TERT: variants seen among roughly 807,000 people sequenced by gnomAD.
TERT encodes telomerase catalytic subunit.
In TERT, 42 loss-of-function variants were observed where a neutral mutation model predicts 104.0. The ratio of observed to expected loss-of-function variants is 0.40; its 90% CI spans 0.32 to 0.52. The LOEUF (loss-of-function observed/expected upper bound fraction) is 0.52. Among genes scored for constraint, TERT ranks in the 20% least tolerant of loss-of-function variants. The pLI is 0.43. For synonymous variants in TERT, 781 were observed against 725.6 expected, an observed-to-expected ratio of 1.08 and a Z score of -1.23; for missense variants, 1,101 against 1,610.3, an observed-to-expected ratio of 0.68 and a Z score of 5.41.
chr5:1,265,518 T>C lies in TERT; in HGVS notation c.2655-926A>G, dbSNP rs113723356. ...GTCCCCTCAGCAGCCTCAGGACTCC[T>C]GAGCCCTCAGTTGCTTGGGACCTGG... On this transcript the variant is annotated intron_variant, in intron 10 of 15. Coordinates refer to ENST00000310581, the MANE Select transcript of TERT (RefSeq NM_198253.3). The surrounding 1 kb of genome is among the most constrained non-coding windows in gnomAD (Gnocchi z 6.9). Among the ~76,000 whole-genome samples, 7 of 152,228 alleles carry C rather than the reference T, an allele frequency of 4.6e-5. No homozygotes were observed. Among genetic ancestry groups the C allele is most frequent in the African/African-American group, 1.7e-4 (7 of 41,548 alleles).
intron 2 of TERT, among the ~76,000 whole-genome samples, chr5:1,289,842 T>A (rs1211411294): frequency 5.7e-5 from 4 of 70,552 alleles, no homozygotes; most frequent in East Asian, 1.2e-3. Context: ...CCGGGGACAG[T>A]GCCTCACTCA....
Position 1,282,421 on chromosome 5 carries a change from T to A in TERT, c.1769+8A>T, listed in dbSNP as rs763457117. Reference sequence around the variant, plus strand: ...GAGAAGCAGAGGCCTGGCGTGGGGATACAGTACCTGATTCCAATGCTTTGC... The same window carrying A: ...GAGAAGCAGAGGCCTGGCGTGGGGAAACAGTACCTGATTCCAATGCTTTGC... On this transcript the variant is annotated splice_region_variant and intron_variant, in intron 3 of 15. Transcript: ENST00000310581. The A allele has an allele frequency of 1.9e-6, 3 of 1,613,136 alleles. No individual in the cohort carries two copies. The Admixed American group carries it at 5.0e-5, about 27-fold the overall frequency.
rs116119635 is a variant in TERT, at chr5:1,271,950, G to T, written c.2382+235C>A. Among the ~76,000 whole-genome samples, 433 of 152,378 alleles carry T rather than the reference G, an allele frequency of 2.8e-3. 6 individuals carry two copies. Among genetic ancestry groups the T allele is most frequent in the African/African-American group, 9.8e-3 (409 of 41,592 alleles). On this transcript the variant is annotated intron_variant, in intron 7 of 15. Coordinates refer to ENST00000310581, the MANE Select transcript of TERT (RefSeq NM_198253.3). Reference sequence around the variant, plus strand: ...CATGAACAAAGGCACTGCGGAACTGGAGAGAGGCCGCGCAGTCAAACGTGA... The same window carrying T: ...CATGAACAAAGGCACTGCGGAACTGTAGAGAGGCCGCGCAGTCAAACGTGA...
Position 1,294,985 on chromosome 5 carries a change from G to C in TERT, c.5C>G (p.Pro2Arg), listed in dbSNP as rs1751303315. M[P>R]RAPRCRAVRS... ...CACGGCTCGGCAGCGGGGAGCGCGC[G>C]GCATCGCGGGGGTGGCCGGGGCCAG... The change falls in exon 1 of 16, where the codon CCG (proline) becomes CGG (arginine). Residue 2 changes from proline (P) to arginine (R), a missense_variant. Pro to Arg is a moderately radical substitution (Grantham distance 103). Coordinates refer to ENST00000310581, the MANE Select transcript of TERT (RefSeq NM_198253.3). 2 of 1,320,526 alleles carry C rather than the reference G, an allele frequency of 1.5e-6. No homozygotes were observed. Among genetic ancestry groups the C allele is most frequent in the Non-Finnish European group, 1.9e-6 (2 of 1,042,994 alleles). The allele number at this position is 1,320,526 out of a possible 1,614,324, so 81.8% of individuals were successfully genotyped here. A position where few individuals can be genotyped will look rare whatever the true frequency, so the allele number is the denominator to read the frequency against.
intron 11 of TERT, 73 bp from the exon 12 acceptor site, chr5:1,260,673 A>G: frequency 3.1e-6 from 5 of 1,600,404 alleles, no homozygotes; most frequent in Non-Finnish European, 4.3e-6. Context: ...AGCTTGCTCC[A>G]AAGAGCCTCC....
chr5:1,253,348 T>G lies in TERT; in HGVS notation c.*380A>C. The G allele has an allele frequency of 4.9e-6, 2 of 406,904 alleles. No homozygotes were observed. The highest frequency in any genetic ancestry group is 9.1e-6 in the Non-Finnish European group (2 of 218,974). The allele number at this position is 406,904 out of a possible 1,614,324, so 25.2% of individuals were successfully genotyped here. A position where few individuals can be genotyped will look rare whatever the true frequency, so the allele number is the denominator to read the frequency against. On this transcript the variant is annotated 3_prime_UTR_variant, in exon 16 of 16. Transcript: ENST00000310581. Reference sequence around the variant, plus strand: ...CTTCTCAGGGTCTCCACCTGGATGGTGGGGGTGGAAGGCAAAGGAGGGCAG... The same window carrying G: ...CTTCTCAGGGTCTCCACCTGGATGGGGGGGGTGGAAGGCAAAGGAGGGCAG...
rs1013341756 is a variant in TERT, at chr5:1,293,477, C to T, written c.1409G>A (p.Arg470His). 2.5e-6 allele frequency: 4 copies of T among 1,603,780 alleles called. No individual in the cohort carries two copies. Among genetic ancestry groups the T allele is most frequent in the Admixed American group, 3.4e-5 (2 of 58,606 alleles). ...QVYGFVRACLRRLVPPGLWGS... is the reference protein window; with the variant it reads ...QVYGFVRACLHRLVPPGLWGS... ...CCAGAGGCCTGGGGGCACCAGCCGG[C>T]GCAGGCAGGCCCGCACGAAGCCGTA... is the stretch of plus-strand genomic sequence containing the variant. The change falls in exon 2 of 16, where the codon CGC becomes CAC. Residue 470 changes from arginine (R) to histidine (H), a missense_variant. Transcript: ENST00000310581.
intron 2 of TERT, among the ~76,000 whole-genome samples, chr5:1,285,224 A>C (rs1367957896): frequency 6.7e-6 from 1 of 149,714 alleles, no homozygotes; most frequent in African/African-American, 2.5e-5. Context: ...CCACACATCC[A>C]GCTCACAGCA....
chr5:1,255,136 C>T lies in TERT; in HGVS notation c.3157+151G>A, dbSNP rs576049306. 18 of 964,936 alleles carry T rather than the reference C, an allele frequency of 1.9e-5. No individual in the cohort carries two copies. Among genetic ancestry groups the T allele is most frequent in the South Asian group, 9.0e-5 (6 of 66,604 alleles). The allele number at this position is 964,936 out of a possible 1,614,324, so 59.8% of individuals were successfully genotyped here. The stretch of plus-strand genomic sequence containing the variant: ...GTGCTCTGCTCACCCCACGAGAGGG[C>T]GGGCAGACGAGCCTGACAGTGGTTG... On this transcript the variant is annotated intron_variant, in intron 14 of 15. Coordinates refer to ENST00000310581, the MANE Select transcript of TERT (RefSeq NM_198253.3). This position sits in a 1 kb window ranked among gnomAD's most constrained non-coding sequence, Gnocchi z 6.9.
In TERT at chr5:1,294,181, G is replaced by T. The variant is rs1751214858; in HGVS notation, c.705C>A (p.Pro235=). ...GGGCAGCGCCACGCCTGGGCCTCTT[G>T]GGCAACGGCAGACTTCGGCTGGCAC... is the stretch of plus-strand genomic sequence containing the variant. ...GGSASRSLPL[P]KRPRRGAAPE... is the part of the protein sequence containing the mutation. Residue 235 remains proline (P), a synonymous_variant, in exon 2 of 16, where the codon CCC becomes CCA. Transcript: ENST00000310581. 1.3e-6 allele frequency: 2 copies of T among 1,582,884 alleles called. No homozygotes were observed. The highest frequency in any genetic ancestry group is 1.7e-4 in the Middle Eastern group (1 of 6,050).
rs1009965891 is a variant in TERT at position 1,270,879 on chromosome 5, G to C, written c.2468+240C>G. On this transcript the variant is annotated intron_variant, in intron 8 of 15. Transcript: ENST00000310581. The surrounding 1 kb of genome is among the most constrained non-coding windows in gnomAD (Gnocchi z 8.3). ...CCACGCAGGAGCAACTCCACACCCC[G>C]CTTGCCATTTCCAGGCCTCGTGTGG... 1.1e-4 allele frequency among the ~76,000 whole-genome samples: 17 copies of C among 152,172 alleles called. No homozygotes were observed. Among genetic ancestry groups the C allele is most frequent in the African/African-American group, 3.1e-4 (13 of 41,452 alleles).
In TERT at chr5:1,272,139, C is replaced by T. The variant is rs574193554; in HGVS notation, c.2382+46G>A. On this transcript the variant is annotated intron_variant, in intron 7 of 15. Coordinates refer to ENST00000310581, the MANE Select transcript of TERT (RefSeq NM_198253.3). ...GCCCAGTGATTGCCCAGGGGAGGAC[C>T]CACTGCTGGGAGTCCGTGCCCAACC... The T allele has an allele frequency of 5.5e-6, 8 of 1,456,176 alleles. No homozygotes were observed. The African/African-American group carries it at 5.6e-5, about 10-fold the overall frequency. 90.2% of individuals were successfully genotyped at this position (1,456,176 alleles called of 1,614,324 possible).
At chr5:1,272,114 G>A in intron 7 of TERT, 71 bp downstream of exon 7, 1 of 1,242,514 alleles carries the variant, frequency 8.0e-7, no homozygotes, top group Non-Finnish European at 1.2e-6. Context: ...CCGGTCATGA[G>A]CCCAGTGATT....
At chr5:1,276,933 C>T (rs1236112795) in intron 6 of TERT, among the ~76,000 whole-genome samples, 6 of 152,262 alleles carry the variant, frequency 3.9e-5, no homozygotes, top group Non-Finnish European at 7.3e-5. Context: ...AAAAGCAAGA[C>T]ACACACGGCA....
chr5:1,253,558 A>C lies in TERT; in HGVS notation c.*170T>G, dbSNP rs1747484648. ...GGACACTCGCTCAGGCCTCAGCCGG[A>C]CACTCAGCCTTCAGCCGGACATGCA... On this transcript the variant is annotated 3_prime_UTR_variant, in exon 16 of 16. Transcript: ENST00000310581. 1 of 649,696 alleles carries C rather than the reference A, an allele frequency of 1.5e-6. No homozygotes were observed. Among genetic ancestry groups the C allele is most frequent in the Admixed American group, 2.3e-5 (1 of 44,082 alleles). The allele number at this position is 649,696 out of a possible 1,614,324, so 40.2% of individuals were successfully genotyped here. A position where few individuals can be genotyped will look rare whatever the true frequency, so the allele number is the denominator to read the frequency against.
chr5:1,274,265 C>G lies in TERT; in HGVS notation c.2287-1985G>C, dbSNP rs1314201477. Among the ~76,000 whole-genome samples the G allele has an allele frequency of 1.3e-5, 2 of 152,224 alleles. No individual in the cohort carries two copies. Among genetic ancestry groups the G allele is most frequent in the African/African-American group, 4.8e-5 (2 of 41,456 alleles). On this transcript the variant is annotated intron_variant, in intron 6 of 15. Transcript: ENST00000310581. The surrounding 1 kb of genome is among the most constrained non-coding windows in gnomAD (Gnocchi z 5.3). ...GCAGTAACAGGAAGGTACATGGGGC[C>G]TGCACCCTTCCCAACCCAGGAGCAG...
At chr5:1,281,315 C>T (rs1750006786) in intron 3 of TERT, among the ~76,000 whole-genome samples, 1 of 152,190 alleles carries the variant, frequency 6.6e-6, no homozygotes, top group African/African-American at 2.4e-5. Context: ...GGTCCCCAGC[C>T]CAGAGGCTGT....
Position 1,282,619 on chromosome 5 carries a change from C to T in TERT, c.1579G>A (p.Gly527Ser), listed in dbSNP as rs1750105769. ...CAWLRRSPGVGCVPAAEHRLR... is the reference protein window; with the variant it reads ...CAWLRRSPGVSCVPAAEHRLR... ...CGGTGCTCTGCGGCCGGAACACAGC[C>T]AACCCCTTAAACGAGAAGGACATGC... Residue 527 changes from glycine to serine, a missense_variant, in exon 3 of 16, where the codon GGC becomes AGC. Around this residue, in one of 5 missense-constraint regions of TERT, gnomAD observed 504 missense variants for 544.6 expected, o/e 0.93. Transcript: ENST00000310581. 6.2e-7 allele frequency: 1 copy of T among 1,613,918 alleles called. No individual in the cohort carries two copies. The highest frequency in any genetic ancestry group is 1.7e-5 in the Admixed American group (1 of 60,004).
In TERT at chr5:1,273,082, CCA is replaced by C. The variant is rs779272160; in HGVS notation, c.2287-804_2287-803del. ...TGTGACCGATCACCATCCACAGTCA[CCA>C]CACATCAGACCCCACAACCGCCATC... On this transcript the variant is annotated intron_variant, in intron 6 of 15. Transcript: ENST00000310581. Among the ~76,000 whole-genome samples the C allele has an allele frequency of 3.3e-3, 250 of 74,706 alleles. 5 individuals are homozygous for C. Among genetic ancestry groups the C allele is most frequent in the Middle Eastern group, 8.2e-3 (1 of 122 alleles). The allele number at this position is 74,706 out of a possible 152,430, so 49.0% of individuals were successfully genotyped here. A position where few individuals can be genotyped will look rare whatever the true frequency, so the allele number is the denominator to read the frequency against.
Sources: allele counts gnomAD v4.1 joint callset (sites outside exome capture counted in the v4.1 genomes callset), GRCh38; gene constraint gnomAD v4.1.1; regional missense constraint gnomAD v4.1.1; non-coding constraint Gnocchi (gnomAD v3.1); transcripts MANE v1.5; gene names NCBI Gene and HGNC (gene_info 2026-07-23, HGNC 2026-07-21).